The following MAST2 variants were observed in gnomAD, a reference collection of about 807,000 sequenced individuals.
The protein encoded by MAST2 is microtubule associated serine/threonine kinase 2, also known as microtubule-associated serine/threonine-protein kinase 2.
Under a neutral mutation model 147.4 loss-of-function variants are expected in MAST2, and 70 were observed. The observed-to-expected ratio is 0.47, with a 90% CI of 0.39 to 0.58. The LOEUF is 0.58. Ranked by LOEUF, MAST2 falls within the 20% of genes least tolerant of loss-of-function variation. The pLI, the probability that MAST2 is intolerant of heterozygous loss-of-function variation, is 0.00. For synonymous variants in MAST2, 869 were observed against 896.8 expected (o/e 0.97, Z 0.55); for missense variants, 2,080 against 2,302.3 (o/e 0.90, Z 1.98).
intron 3 of MAST2, chr1:45,864,960 C>G (rs895603442): frequency 1.4e-5 from 5 of 357,956 alleles, no homozygotes; most frequent in Non-Finnish European, 2.8e-5. Context: ...TGTATACTTA[C>G]GCTGGACAGA....
At chr1:46,030,898 T>C in intron 22 of MAST2, 109 bp from the exon 23 acceptor site, 1 of 1,479,488 alleles carries the variant, frequency 6.8e-7, no homozygotes, top group Non-Finnish European at 9.0e-7. Flanking sequence ...CCTGGAGGAA[T>C]GTCTGCGGAG....
At chr1:45,897,478 G>T (rs535484092) in intron 4 of MAST2, among the ~76,000 whole-genome samples, 103 of 152,212 alleles carry the variant, frequency 6.8e-4, no homozygotes, top group Non-Finnish European at 1.2e-3. Context: ...AGGTAGGAGA[G>T]AAAAAATAAA....
At chr1:46,006,517 CCATATATCT>C in intron 8 of MAST2, 122 bp downstream of exon 8, 1 of 809,484 alleles carries the variant, frequency 1.2e-6, no homozygotes, top group Non-Finnish European at 1.8e-6. Flanking sequence ...GCTTTATAGG[CCATATATCT>C]CTGTCACATT....
intron 4 of MAST2, among the ~76,000 whole-genome samples, chr1:45,895,069 T>C (rs189115346): frequency 2.0e-5 from 3 of 152,350 alleles, no homozygotes; most frequent in Non-Finnish European, 2.9e-5. Context: ...GTCAATCCCA[T>C]CTTCCACATC....
At chr1:45,851,714 T>C (rs1161802360) in intron 3 of MAST2, among the ~76,000 whole-genome samples, 1 of 152,154 alleles carries the variant, frequency 6.6e-6, no homozygotes, top group Non-Finnish European at 1.5e-5. Context: ...CTACATCTAT[T>C]CATCTGACTT....
chr1:45,892,346 AAG>A (rs1647949110), intron 4 of MAST2, among the ~76,000 whole-genome samples: 1 of 152,224 alleles, frequency 6.6e-6, no homozygotes, highest in South Asian at 2.1e-4. Context: ...CTCAATTGTT[AAG>A]AGTTATAGAT....
At chr1:45,835,085 G>T (rs1293619802) in intron 3 of MAST2, among the ~76,000 whole-genome samples, 1 of 151,966 alleles carries the variant, frequency 6.6e-6, no homozygotes, top group Non-Finnish European at 1.5e-5. Context: ...AGTTATTCCA[G>T]TGACTTTCCA....
At chr1:45,838,215 C>CTTTTTTTTTTTTTT (rs61696475) in intron 3 of MAST2, among the ~76,000 whole-genome samples, 3 of 97,988 alleles carry the variant, frequency 3.1e-5, no homozygotes, top group Non-Finnish European at 5.9e-5. Context: ...TATATATATT[C>CTTTTTTTTTTTTTT]TTTTTTTTTT....
At chr1:45,827,694 T>C (rs561273371) in intron 2 of MAST2, among the ~76,000 whole-genome samples, 14 of 152,270 alleles carry the variant, frequency 9.2e-5, no homozygotes, top group Non-Finnish European at 1.9e-4. Context: ...GGAAAGACTT[T>C]CCAGTAAAAG....
At position 46,027,721 on chromosome 1, in the gene MAST2, G is replaced by T. The variant is rs748622833; in HGVS notation, c.1920-10G>T. 4 of 1,598,796 alleles carry T rather than the reference G, an allele frequency of 2.5e-6. No homozygotes were observed. Among genetic ancestry groups the T allele is most frequent in the East Asian group, 2.3e-5 (1 of 44,262 alleles). On this transcript the variant is annotated splice_polypyrimidine_tract_variant and intron_variant, in intron 16 of 28. Coordinates refer to ENST00000361297, the MANE Select transcript of MAST2 (RefSeq NM_015112.3). The stretch of plus-strand genomic sequence containing the variant: ...AATAACTTCTTAATTTTATTTCTTC[G>T]TTCTTCCAGCCTCCTAATTACATCC...
chr1:45,922,758 A>G (rs1196355879), intron 4 of MAST2, among the ~76,000 whole-genome samples: 2 of 152,038 alleles, frequency 1.3e-5, no homozygotes, highest in East Asian at 3.9e-4. Context: ...CCAACTCGGA[A>G]GGGGTGGGGC....
chr1:46,005,152 C>G (rs919482521), intron 7 of MAST2, among the ~76,000 whole-genome samples: 2 of 152,148 alleles, frequency 1.3e-5, no homozygotes, highest in African/African-American at 4.8e-5. Context: ...CACCTGAGGT[C>G]GGGAGTTCCA....
intron 4 of MAST2, among the ~76,000 whole-genome samples, chr1:45,941,797 C>G (rs1288284485): frequency 3.9e-5 from 6 of 152,154 alleles, no homozygotes; most frequent in African/African-American, 1.4e-4. Context: ...GAAAAGCATT[C>G]AGTCTTGTTG....
At chr1:46,027,934 G>A (rs1051200495) in intron 17 of MAST2, 71 bp downstream of exon 17, 94 of 1,572,726 alleles carry the variant, frequency 6.0e-5, no homozygotes, top group South Asian at 1.1e-4. Context: ...TCTTACGCCC[G>A]TAATCCCAAC....
chr1:45,952,823 C>T (rs895410262), intron 4 of MAST2, among the ~76,000 whole-genome samples: 2 of 152,142 alleles, frequency 1.3e-5, no homozygotes, highest in African/African-American at 4.8e-5. Flanking sequence ...AGATTTATTA[C>T]TATCAGATCC....
At chr1:45,817,602 G>T (rs986636706) in intron 1 of MAST2, among the ~76,000 whole-genome samples, 2 of 152,132 alleles carry the variant, frequency 1.3e-5, no homozygotes, top group Non-Finnish European at 2.9e-5. Context: ...TGAAAGAAAA[G>T]GATGTTAATG....
intron 4 of MAST2, among the ~76,000 whole-genome samples, chr1:45,902,683 T>A (rs1649986825): frequency 6.6e-6 from 1 of 152,116 alleles, no homozygotes; most frequent in Non-Finnish European, 1.5e-5. Flanking sequence ...CTGTTCAGGA[T>A]TTCCATTTCT....
intron 4 of MAST2, among the ~76,000 whole-genome samples, chr1:45,904,588 C>T (rs369110439): frequency 3.7e-4 from 56 of 152,136 alleles, no homozygotes; most frequent in African/African-American, 1.3e-3. Flanking sequence ...CCTTAGCCCC[C>T]CCAAGTAGCT....
chr1:46,024,891 C>T (rs1646338087), intron 15 of MAST2, among the ~76,000 whole-genome samples: 1 of 152,170 alleles, frequency 6.6e-6, no homozygotes. Context: ...GGGCAATTTA[C>T]AAAAGAAAGA....
Sources: allele counts gnomAD v4.1 joint callset (sites outside exome capture counted in the v4.1 genomes callset), GRCh38; gene constraint gnomAD v4.1.1; transcripts MANE v1.5; gene names NCBI Gene and HGNC (gene_info 2026-07-23, HGNC 2026-07-21).